AKAP17A: variants seen among roughly 807,000 people sequenced by gnomAD.
AKAP17A encodes A-kinase anchoring protein 17A.
AKAP17A carries 15 observed loss-of-function variants against 52.2 expected under a neutral mutation model. The observed-to-expected ratio is 0.29, with a 90% CI of 0.19 to 0.44. The LOEUF is 0.44. Among genes scored for constraint, AKAP17A ranks in the 20% least tolerant of loss-of-function variants. The probability of loss-of-function intolerance (pLI) is 1.00; values close to 1 mark genes in which losing one functional copy is unlikely to be tolerated. For missense variants in AKAP17A, 1,060 were observed against 1,007.0 expected (o/e 1.05, Z -0.71); for synonymous variants, 514 against 424.7 (o/e 1.21, Z -2.58).
intron 1 of AKAP17A, among the ~76,000 whole-genome samples, chrX:1,593,141 G>A (rs1305198389): frequency 3.5e-4 from 53 of 152,122 alleles, no homozygotes; most frequent in Non-Finnish European, 6.8e-4. Flanking sequence ...TTCCTATTCT[G>A]CAGGCCTTGG....
At position 1,596,239 on chromosome X, in the gene AKAP17A, A is replaced by AC. The variant is rs1476820245; in HGVS notation, c.911+707_911+708insC. Among the ~76,000 whole-genome samples, 892 of 151,508 alleles carry AC rather than the reference A, an allele frequency of 5.9e-3. 14 individuals are homozygous for AC. Among genetic ancestry groups the AC allele is most frequent in the African/African-American group, 0.02 (819 of 41,300 alleles). ...GATGGCCAGATTTAAAAAAAAAAAA[A>AC]AAAACAAAAAACCAATGATAGGACA... On this transcript the variant is annotated intron_variant, in intron 3 of 4. Transcript: ENST00000313871.
rs759482306 is a variant in AKAP17A at position 1,599,617 on chromosome X, G to A, written c.1152+185G>A. On this transcript the variant is annotated intron_variant, in intron 4 of 4. Transcript: ENST00000313871. ...GGTGTAGCGCTCGTCTGTCGTTCCC[G>A]ATGATTTCAGAGCTGTGACGGTTTC... The A allele has an allele frequency of 7.7e-5, 67 of 866,288 alleles. 1 individual carries two copies. The highest frequency in any genetic ancestry group is 3.9e-4 in the South Asian group (26 of 66,436). 53.7% of individuals were successfully genotyped at this position (866,288 alleles called of 1,614,324 possible).
In AKAP17A at chrX:1,593,786, C is replaced by T. The variant is rs766885449; in HGVS notation, c.324C>T (p.Asp108=). 3 of 1,613,718 alleles carry T rather than the reference C, an allele frequency of 1.9e-6. No individual in the cohort carries two copies. The highest frequency in any genetic ancestry group is 2.5e-6 in the Non-Finnish European group (3 of 1,179,854). The change falls in exon 2 of 5, where the codon GAC becomes GAT. Residue 108 remains aspartate (D), a synonymous_variant. Coordinates refer to ENST00000313871, the MANE Select transcript of AKAP17A (RefSeq NM_005088.3). ...GKTIKLSGFS[D]ILKVRAAEFK... is the part of the protein sequence containing the mutation. Reference sequence around the variant, plus strand: ...CCATCAAGCTCAGCGGCTTCTCCGACATCCTGAAGGTGCGCGCGGCCGAGT... The same window carrying T: ...CCATCAAGCTCAGCGGCTTCTCCGATATCCTGAAGGTGCGCGCGGCCGAGT...
Position 1,601,363 on chromosome X carries a change from G to A in AKAP17A, c.1857G>A (p.Lys619=), listed in dbSNP as rs1603460383. Residue 619 remains lysine (K), a synonymous_variant, in exon 5 of 5, where the codon AAG becomes AAA. Transcript: ENST00000313871. The part of the protein sequence containing the change: ...ASSREDGRPR[K]ERRPHKKHAY... ...GCAGGGAGGACGGGAGGCCACGCAA[G>A]GAGCGGCGGCCCCACAAGAAGCACG... 6.3e-7 allele frequency: 1 copy of A among 1,582,378 alleles called. No homozygotes were observed. The highest frequency in any genetic ancestry group is 2.0e-4 in the Middle Eastern group (1 of 4,956).
chrX:1,595,234 TCTGCACCGGACATGAGTGGTGAGCGGTG>T, intron 2 of AKAP17A, 122 bp from the exon 3 acceptor site: 8 of 182,080 alleles, frequency 4.4e-5, no homozygotes, highest in Non-Finnish European at 6.1e-5. Flanking sequence ...ACTGTCTGGG[TCTGCACCGGACATGAGTGGTGAGCGGTG>T]AGCGGTGAGC....
chrX:1,593,411 G>T, intron 1 of AKAP17A, 33 bp from the exon 2 acceptor site: 2 of 1,567,874 alleles, frequency 1.3e-6, no homozygotes, highest in Non-Finnish European at 1.7e-6. Context: ...GGTGGGGGGT[G>T]CTGGTGCTGA....
At chrX:1,598,355 T>C (rs1420616792) in intron 3 of AKAP17A, among the ~76,000 whole-genome samples, 1 of 152,148 alleles carries the variant, frequency 6.6e-6, no homozygotes, top group Non-Finnish European at 1.5e-5. Flanking sequence ...GGCCTGCTCC[T>C]CCTTGTCCCC....
chrX:1,597,675 C>T (rs1933081049), intron 3 of AKAP17A, among the ~76,000 whole-genome samples: 1 of 141,008 alleles, frequency 7.1e-6, no homozygotes, highest in South Asian at 2.4e-4. Context: ...AGGAGTGTCC[C>T]CGCAACATTT....
At chrX:1,598,580 C>T (rs1208676654) in intron 3 of AKAP17A, among the ~76,000 whole-genome samples, 5 of 152,184 alleles carry the variant, frequency 3.3e-5, no homozygotes, top group African/African-American at 1.2e-4. Context: ...GGGAACTCCC[C>T]ACTGTCTCTT....
At position 1,600,996 on chromosome X, in the gene AKAP17A, A is replaced by G; in HGVS notation, c.1490A>G (p.Lys497Arg). The G allele has an allele frequency of 1.2e-6, 2 of 1,603,982 alleles. No individual in the cohort carries two copies. The highest frequency in any genetic ancestry group is 1.7e-6 in the Non-Finnish European group (2 of 1,176,342). ...LGGQPPAGAP[K>R]ESPAHPEADG... ...GGCCAGCCCCCGGCCGGTGCCCCCA[A>G]GGAGAGCCCGGCCCACCCAGAGGCC... The change falls in exon 5 of 5, where the codon AAG (lysine) becomes AGG (arginine). Residue 497 changes from lysine to arginine, a missense_variant. By Grantham distance (26) the Lys-to-Arg change is conservative (BLOSUM62 2). Coordinates refer to ENST00000313871, the MANE Select transcript of AKAP17A (RefSeq NM_005088.3).
At chrX:1,592,509 C>G (rs1932855633) in intron 1 of AKAP17A, among the ~76,000 whole-genome samples, 1 of 151,998 alleles carries the variant, frequency 6.6e-6, no homozygotes, top group African/African-American at 2.4e-5. Context: ...TCACTGGTCT[C>G]TGTCCAGACT....
chrX:1,595,583 T>C (rs1408866124), intron 3 of AKAP17A, 51 bp downstream of exon 3: 19 of 1,611,088 alleles, frequency 1.2e-5, no homozygotes, highest in Non-Finnish European at 1.5e-5. Context: ...CACCTGGGAG[T>C]GTGCGCAGAC....
At chrX:1,592,762 C>T (rs1312526501) in intron 1 of AKAP17A, among the ~76,000 whole-genome samples, 1 of 152,100 alleles carries the variant, frequency 6.6e-6, no homozygotes, top group Non-Finnish European at 1.5e-5. Context: ...GTCAGCTCAG[C>T]AGGGAAGAGG....
At position 1,601,267 on chromosome X, in the gene AKAP17A, G is replaced by T. The variant is rs377565827; in HGVS notation, c.1761G>T (p.Arg587=). Residue 587 remains arginine, a synonymous_variant, in exon 5 of 5, where the codon CGG becomes CGT. Transcript: ENST00000313871. ...DKCNREPSKG[R]GRATGDGLAD... ...GCAACCGGGAGCCCAGCAAGGGCCG[G>T]GGCCGGGCCACCGGAGACGGGCTTG... 2 of 1,613,068 alleles carry T rather than the reference G, an allele frequency of 1.2e-6. 1 individual carries two copies. Among genetic ancestry groups the T allele is most frequent in the Middle Eastern group, 3.3e-4 (2 of 6,022 alleles).
intron 3 of AKAP17A, among the ~76,000 whole-genome samples, chrX:1,596,935 C>G: frequency 6.8e-6 from 1 of 146,626 alleles, no homozygotes; most frequent in Non-Finnish European, 1.5e-5. Context: ...CCTCCTCCTA[C>G]TCCTCTTCGT....
Position 1,600,951 on chromosome X carries a change from C to T in AKAP17A, c.1445C>T (p.Thr482Ile). The T allele has an allele frequency of 1.3e-6, 2 of 1,584,424 alleles. No individual in the cohort carries two copies. The highest frequency in any genetic ancestry group is 1.7e-6 in the Non-Finnish European group (2 of 1,167,726). The change falls in exon 5 of 5, where the codon ACC (threonine) becomes ATC (isoleucine). Residue 482 changes from threonine to isoleucine, a missense_variant. Transcript: ENST00000313871. ...GTGTCGTCCGGCTGTGTGAGCGCCA[C>T]CACGCTGCACCCCCTCGGGGGCCAG... ...QTVSSGCVSA[T>I]TLHPLGGQPP...
chrX:1,594,850 C>T (rs1327614126), intron 2 of AKAP17A, among the ~76,000 whole-genome samples: 1 of 152,196 alleles, frequency 6.6e-6, no homozygotes, highest in Non-Finnish European at 1.5e-5. Flanking sequence ...AACTCCTGAC[C>T]TCATGAACTG....
intron 4 of AKAP17A, chrX:1,600,341 C>T (rs1389991358): frequency 1.5e-6 from 1 of 689,496 alleles, no homozygotes; most frequent in African/African-American, 1.8e-5. Flanking sequence ...CGCCTGTGTG[C>T]AACGTGGTGG....
Position 1,601,467 on chromosome X carries a change from G to C in AKAP17A, c.1961G>C (p.Arg654Thr). Residue 654 changes from arginine to threonine, a missense_variant, in exon 5 of 5, where the codon AGG (arginine) becomes ACG (threonine). By Grantham distance (71) the Arg-to-Thr change is moderately conservative (BLOSUM62 -1). Transcript: ENST00000313871. ...TRSRRSHSKD[R>T]HRRERSRERR... ...TCCCGGAGGTCCCACAGCAAAGACA[G>C]GCACCGGAGGGAGCGGAGCCGGGAG... The C allele has an allele frequency of 6.4e-7, 1 of 1,571,508 alleles. No homozygotes were observed. The highest frequency in any genetic ancestry group is 8.6e-7 in the Non-Finnish European group (1 of 1,166,688).
Sources: allele counts gnomAD v4.1 joint callset (sites outside exome capture counted in the v4.1 genomes callset), GRCh38; gene constraint gnomAD v4.1.1; transcripts MANE v1.5; gene names NCBI Gene and HGNC (gene_info 2026-07-23, HGNC 2026-07-21).